The following MEI1 variants were observed in gnomAD, a reference collection of about 807,000 sequenced individuals.
MEI1 encodes the protein meiotic double-stranded break formation protein 1.
Under a neutral mutation model 146.2 loss-of-function variants are expected in MEI1, and 103 were observed. The ratio of observed to expected loss-of-function variants is 0.70; its 90% CI spans 0.60 to 0.83. The LOEUF is 0.83. Among genes scored for constraint, MEI1 ranks in the 40% least tolerant of loss-of-function variants. The pLI is 0.00. For synonymous variants in MEI1, 652 were observed against 628.2 expected, an observed-to-expected ratio of 1.04 and a Z score of -0.57; for missense variants, 1,529 against 1,533.0, an observed-to-expected ratio of 1.00 and a Z score of 0.04.
At chr22:41,725,400 C>T (rs1227766728) in intron 7 of MEI1, among the ~76,000 whole-genome samples, 1 of 152,176 alleles carries the variant, frequency 6.6e-6, no homozygotes. Flanking sequence ...GCATGAGCCC[C>T]CAGGCCCAGC....
chr22:41,751,500 C>G (rs2073747209), intron 15 of MEI1, among the ~76,000 whole-genome samples: 1 of 152,194 alleles, frequency 6.6e-6, no homozygotes, highest in South Asian at 2.1e-4. Flanking sequence ...AAACTGCTGG[C>G]TGGGTGCAGT....
intron 16 of MEI1, 44 bp from the exon 17 acceptor site, chr22:41,753,905 G>T: frequency 7.3e-7 from 1 of 1,373,542 alleles, no homozygotes. Context: ...CCCAGCCAAA[G>T]TAGCAATGTC....
intron 11 of MEI1, among the ~76,000 whole-genome samples, chr22:41,735,360 G>T (rs1265037017): frequency 6.9e-6 from 1 of 145,544 alleles, no homozygotes; most frequent in Admixed American, 7.1e-5. Flanking sequence ...ACAGCCTCCC[G>T]AGTAGCTGGG....
chr22:41,704,993 C>G (rs956001308), intron 2 of MEI1, among the ~76,000 whole-genome samples: 1 of 152,144 alleles, frequency 6.6e-6, no homozygotes, highest in African/African-American at 2.4e-5. Flanking sequence ...GAATTACAGG[C>G]GTGAGCCACC....
intron 15 of MEI1, among the ~76,000 whole-genome samples, chr22:41,749,066 A>G (rs1569243928): frequency 6.6e-6 from 1 of 152,126 alleles, no homozygotes; most frequent in Non-Finnish European, 1.5e-5. Context: ...GGCCTCCCAA[A>G]GTGCTGGGAT....
chr22:41,704,614 A>G (rs1444074156), intron 2 of MEI1, among the ~76,000 whole-genome samples: 2 of 151,586 alleles, frequency 1.3e-5, no homozygotes, highest in Non-Finnish European at 2.9e-5. Context: ...GGGTTTTGCC[A>G]TGTTGGCCAG....
rs1270862260 is a variant in MEI1 at position 41,781,351 on chromosome 22, G to A, written c.2883G>A (p.Leu961=). ...VDILQPSFNF[L]YWSLHQTTPS... is the part of the protein sequence containing the mutation. ...TCCTGCAGCCCTCCTTCAACTTCCT[G>A]TATTGGAGCCTTCATCAGACCACAC... Residue 961 remains leucine, a synonymous_variant, in exon 23 of 31, where the codon CTG becomes CTA. Transcript: ENST00000401548. 6.2e-6 allele frequency: 10 copies of A among 1,613,506 alleles called. No individual in the cohort carries two copies. The highest frequency in any genetic ancestry group is 8.5e-6 in the Non-Finnish European group (10 of 1,179,798).
intron 6 of MEI1, among the ~76,000 whole-genome samples, chr22:41,720,440 A>T (rs555892445): frequency 4.6e-5 from 7 of 151,912 alleles, no homozygotes; most frequent in African/African-American, 1.7e-4. Flanking sequence ...TTATTTACTT[A>T]TTTATTTTGA....
intron 11 of MEI1, 147 bp downstream of exon 11, chr22:41,732,750 G>T: frequency 3.4e-6 from 3 of 881,224 alleles, no homozygotes; most frequent in Non-Finnish European, 4.9e-6. Flanking sequence ...CCACATCCAT[G>T]GATTCAACCA....
At chr22:41,725,909 T>C (rs28558856) in intron 7 of MEI1, among the ~76,000 whole-genome samples, 1 of 152,198 alleles carries the variant, frequency 6.6e-6, no homozygotes, top group Non-Finnish European at 1.5e-5. Context: ...CAAACCCTGA[T>C]GTGATAGCAG....
At chr22:41,755,819 A>G (rs903552350) in intron 17 of MEI1, among the ~76,000 whole-genome samples, 2 of 152,040 alleles carry the variant, frequency 1.3e-5, no homozygotes, top group Non-Finnish European at 2.9e-5. Context: ...CTGAACTTGG[A>G]ATTAGGAGAG....
intron 11 of MEI1, among the ~76,000 whole-genome samples, chr22:41,735,793 T>C (rs2147646182): frequency 6.6e-6 from 1 of 152,332 alleles, no homozygotes; most frequent in East Asian, 1.9e-4. Flanking sequence ...TTAACACCTA[T>C]GAACTCCAGC....
chr22:41,712,452 G>C (rs1297261259), intron 3 of MEI1, among the ~76,000 whole-genome samples: 1 of 151,518 alleles, frequency 6.6e-6, no homozygotes, highest in Admixed American at 6.6e-5. Context: ...AGCCAGGATG[G>C]TCTTGATCTC....
intron 2 of MEI1, 57 bp from the exon 3 acceptor site, chr22:41,705,447 G>A: frequency 3.4e-6 from 5 of 1,476,884 alleles, no homozygotes; most frequent in South Asian, 1.1e-5. Context: ...CTGGGGTACA[G>A]ATGTGTGCCA....
intron 7 of MEI1, among the ~76,000 whole-genome samples, chr22:41,726,223 C>CAAGAA: frequency 1.3e-5 from 2 of 149,590 alleles, no homozygotes; most frequent in South Asian, 4.2e-4. Flanking sequence ...GAGACTACAG[C>CAAGAA]AAGAAAAGAA....
chr22:41,798,089 G>A (rs1326925595), intron 30 of MEI1, among the ~76,000 whole-genome samples: 4 of 150,004 alleles, frequency 2.7e-5, no homozygotes, highest in African/African-American at 7.4e-5. Flanking sequence ...TTGTCCAAGC[G>A]CAGTTGGTTC....
chr22:41,753,194 T>C (rs962035189), intron 16 of MEI1, among the ~76,000 whole-genome samples: 2 of 152,048 alleles, frequency 1.3e-5, no homozygotes, highest in Non-Finnish European at 2.9e-5. Context: ...ATTTTTGTGT[T>C]TTTAGTAGAG....
chr22:41,758,636 G>A (rs1189283883), intron 18 of MEI1, 103 bp downstream of exon 18: 4 of 1,165,832 alleles, frequency 3.4e-6, no homozygotes, highest in Non-Finnish European at 3.6e-6. Context: ...GCTGGGCACT[G>A]GGGACACGGG....
chr22:41,715,397 A>AT lies in MEI1; in HGVS notation c.424-628dup, dbSNP rs751733110. On this transcript the variant is annotated intron_variant, in intron 4 of 30. Coordinates refer to ENST00000401548, the MANE Select transcript of MEI1 (RefSeq NM_152513.4). Reference sequence around the variant, plus strand: ...AGCTATAATAACTATGATAACAATAATTTTTTTTTTTTTTTTGAGACGGAG... The same window carrying AT: ...AGCTATAATAACTATGATAACAATAATTTTTTTTTTTTTTTTTGAGACGGAG... Among the ~76,000 whole-genome samples, 687 of 142,708 alleles carry AT rather than the reference A, an allele frequency of 4.8e-3. 3 individuals are homozygous for AT. Among genetic ancestry groups the AT allele is most frequent in the African/African-American group, 9.7e-3 (381 of 39,136 alleles). The allele number at this position is 142,708 out of a possible 152,430, so 93.6% of individuals were successfully genotyped here.
Sources: gnomAD v4.1 joint callset for allele counts (sites outside exome capture counted in the v4.1 genomes callset) on GRCh38, gnomAD v4.1.1 for gene constraint, MANE v1.5 for transcripts, NCBI Gene and HGNC (gene_info 2026-07-23, HGNC 2026-07-21) for gene names.